Variants in BAG6 observed in about 807,000 individuals in gnomAD.
The protein encoded by BAG6 is BAG cochaperone 6, also known as large proline-rich protein BAG6.
A neutral mutation model predicts 121.0 loss-of-function variants in BAG6; 22 were observed. The observed-to-expected ratio is 0.18, with a 90% confidence interval of 0.13 to 0.26. The LOEUF is 0.26. BAG6 is among the 10% of genes least tolerant of loss of function. The pLI, the probability that BAG6 is intolerant of heterozygous loss-of-function variation, is 1.00. For synonymous variants in BAG6, 583 were observed against 584.6 expected, an observed-to-expected ratio of 1.00 and a Z score of 0.04; for missense variants, 1,233 against 1,537.7, an observed-to-expected ratio of 0.80 and a Z score of 3.31.
rs760258126 is a variant in BAG6 at position 31,640,271 on chromosome 6, G to T, written c.3174C>A (p.Ser1058Arg). ...WVPIIQQDIQSQRKVKPQPPL... is the reference protein window; with the variant it reads ...WVPIIQQDIQRQRKVKPQPPL... Reference sequence around the variant, plus strand: ...GGGGCTGCGGTTTCACCTTCCGCTGGCTCTGAATGTCCTGCTGGATAATAG... The same window carrying T: ...GGGGCTGCGGTTTCACCTTCCGCTGTCTCTGAATGTCCTGCTGGATAATAG... Residue 1058 changes from serine to arginine, a missense_variant, in exon 24 of 26, where the codon AGC (serine) becomes AGA (arginine). By Grantham distance (110) the Ser-to-Arg change is moderately radical. This residue lies in a region of BAG6 where 288 missense variants were observed against 483.1 expected (regional missense o/e 0.60). Transcript: ENST00000676615. The surrounding 1 kb of genome is among the most constrained non-coding windows in gnomAD (Gnocchi z 4.2). 12 of 1,614,098 alleles carry T rather than the reference G, an allele frequency of 7.4e-6. No individual in the cohort carries two copies. The South Asian group carries it at 8.8e-5, about 12-fold the overall frequency.
In BAG6 at chr6:31,641,302, G is replaced by C. The variant is rs546902137; in HGVS notation, c.2662+18C>G. 6.2e-7 allele frequency: 1 copy of C among 1,613,656 alleles called. No homozygotes were observed. Among genetic ancestry groups the C allele is most frequent in the Admixed American group, 1.7e-5 (1 of 59,998 alleles). ...CATGCAACAGGCCCCACTTGCCCCC[G>C]CCTGGCCAGCCCCTGACCTGTGCAA... On this transcript the variant is annotated intron_variant, in intron 19 of 25. Coordinates refer to ENST00000676615, the MANE Select transcript of BAG6 (RefSeq NM_001387994.1). The surrounding 1 kb of genome is among the most constrained non-coding windows in gnomAD (Gnocchi z 5.7).
At chr6:31,649,691 C>T in intron 2 of BAG6, 64 bp from the exon 3 acceptor site, 1 of 1,465,158 alleles carries the variant, frequency 6.8e-7, no homozygotes, top group Non-Finnish European at 9.5e-7. Context: ...CAAAGACAGA[C>T]AACCGAGTTG....
Position 31,647,686 on chromosome 6 carries a change from T to G in BAG6, c.693A>C (p.Glu231Asp), listed in dbSNP as rs1196914439. ...GGGCTGGGGCACGCTCCTCCACTTC[T>G]TCTGCCTCCATGGGCTCCCGGGGAG... is the stretch of plus-strand genomic sequence containing the variant. The part of the protein sequence containing the change: ...EAPPREPMEA[E>D]EVEERAPAQN... Residue 231 changes from glutamate (E) to aspartate (D), a missense_variant, in exon 7 of 26, where the codon GAA becomes GAC. Glu to Asp is a conservative substitution (Grantham distance 45). Around this residue, in one of 7 missense-constraint regions of BAG6, gnomAD observed 777 missense variants for 861.4 expected, o/e 0.90. Coordinates refer to ENST00000676615, the MANE Select transcript of BAG6 (RefSeq NM_001387994.1). The G allele has an allele frequency of 6.2e-7, 1 of 1,604,642 alleles. No homozygotes were observed. Among genetic ancestry groups the G allele is most frequent in the Admixed American group, 1.7e-5 (1 of 58,072 alleles).
In BAG6 at chr6:31,640,967, C is replaced by T. The variant is rs1006620864; in HGVS notation, c.2788-29G>A. The T allele has an allele frequency of 6.2e-7, 1 of 1,607,320 alleles. No homozygotes were observed. The highest frequency in any genetic ancestry group is 8.5e-7 in the Non-Finnish European group (1 of 1,176,300). On this transcript the variant is annotated intron_variant, in intron 20 of 25. Transcript: ENST00000676615. The surrounding 1 kb of genome is among the most constrained non-coding windows in gnomAD (Gnocchi z 4.2). ...AGGGACAGAAAGCAGATTTAGAACA[C>T]AAAACCCTCAACCACCTTTAGAAAT...
rs1425781192 is a variant in BAG6, at chr6:31,639,227, C to A, written c.3394-1G>T. 6.2e-7 allele frequency: 1 copy of A among 1,612,572 alleles called. No individual in the cohort carries two copies. The highest frequency in any genetic ancestry group is 1.7e-5 in the Admixed American group (1 of 59,816). ...GTCGTTTTTGTATATCAGACCGGAG[C>A]TAAAGAGAAAAAGTAAGCAGGTTGG... On this transcript the variant is annotated splice_acceptor_variant, in intron 25 of 25. Coordinates refer to ENST00000676615, the MANE Select transcript of BAG6 (RefSeq NM_001387994.1). LOFTEE classifies it high-confidence loss of function.
intron 2 of BAG6, among the ~76,000 whole-genome samples, chr6:31,650,359 GAAGAT>G (rs1169072740): frequency 1.8e-4 from 27 of 151,902 alleles, no homozygotes; most frequent in South Asian, 6.2e-4. Context: ...GAAAGACTAA[GAAGAT>G]AAGAAAGCAA....
In BAG6 at chr6:31,644,792, A is replaced by G. The variant is rs1455853100; in HGVS notation, c.1369+154T>C. On this transcript the variant is annotated intron_variant, in intron 10 of 25. Transcript: ENST00000676615. This position sits in a 1 kb window ranked among gnomAD's most constrained non-coding sequence, Gnocchi z 4.9. ...CCTCCAAAGACAAACCAACCCCCAC[A>G]CCCCCCACATCTGTCTACTTAAGCT... Among the ~76,000 whole-genome samples the G allele has an allele frequency of 2.0e-5, 3 of 149,956 alleles. No individual in the cohort carries two copies. The highest frequency in any genetic ancestry group is 4.4e-5 in the Non-Finnish European group (3 of 67,538).
chr6:31,650,684 A>G (rs1042862705), intron 2 of BAG6, among the ~76,000 whole-genome samples: 16 of 151,782 alleles, frequency 1.1e-4, no homozygotes, highest in African/African-American at 3.9e-4. Context: ...AAAAAAAAGC[A>G]AAAAGAGAAA....
rs184511559 is a variant in BAG6 at position 31,641,050 on chromosome 6, A to G, written c.2787+54T>C. The G allele has an allele frequency of 7.6e-3, 12,140 of 1,605,306 alleles. 554 individuals are homozygous for G. The South Asian group carries it at 0.092, about 12-fold the overall frequency. ...GAAAAGAAAAATGAAAACTGCAGAG[A>G]ATGGAAACCTCAGGAAACAAAAGGC... On this transcript the variant is annotated intron_variant, in intron 20 of 25. Transcript: ENST00000676615. This position sits in a 1 kb window ranked among gnomAD's most constrained non-coding sequence, Gnocchi z 5.7.
chr6:31,642,480 G>A (rs886798898), intron 15 of BAG6, 77 bp from the exon 16 acceptor site: 4 of 716,818 alleles, frequency 5.6e-6, no homozygotes, highest in African/African-American at 5.3e-5. Context: ...GGCATCAAGA[G>A]GGCACAAACC....
chr6:31,649,174 C>G (rs756229631), intron 4 of BAG6, 25 bp downstream of exon 4: 1 of 1,611,820 alleles, frequency 6.2e-7, no homozygotes, highest in Non-Finnish European at 8.5e-7. Context: ...CCACAAAAGC[C>G]CTCCCCTGTG....
chr6:31,644,846 C>T lies in BAG6; in HGVS notation c.1369+100G>A, dbSNP rs1787254235. On this transcript the variant is annotated intron_variant, in intron 10 of 25. Coordinates refer to ENST00000676615, the MANE Select transcript of BAG6 (RefSeq NM_001387994.1). The surrounding 1 kb of genome is among the most constrained non-coding windows in gnomAD (Gnocchi z 4.9). ...GCTCTGGTCCCCAGGCTACCACCAC[C>T]AGCATGTGCCTCTCCCTTCCCCACC... 6.6e-7 allele frequency: 1 copy of T among 1,510,362 alleles called. No individual in the cohort carries two copies. The highest frequency in any genetic ancestry group is 8.9e-7 in the Non-Finnish European group (1 of 1,124,224). The allele number at this position is 1,510,362 out of a possible 1,614,324, so 93.6% of individuals were successfully genotyped here. A position where few individuals can be genotyped will look rare whatever the true frequency, so the allele number is the denominator to read the frequency against.
In BAG6 at chr6:31,649,277, AG is replaced by A; in HGVS notation, c.344del (p.Pro115LeufsTer53). ...ASATHGGGSP[P>X]GTRGPGASVH... ...CAGAGGCCCCAGGCCCCCGAGTACC[AG>A]GGGGGGATCCCCCACCATGAGTGGC... On this transcript the variant is annotated frameshift_variant, in exon 4 of 26. Coordinates refer to ENST00000676615, the MANE Select transcript of BAG6 (RefSeq NM_001387994.1). LOFTEE classifies it high-confidence loss of function. 1 of 1,613,026 alleles carries A rather than the reference AG, an allele frequency of 6.2e-7. No individual in the cohort carries two copies. Among genetic ancestry groups the A allele is most frequent in the Non-Finnish European group, 8.5e-7 (1 of 1,179,968 alleles).
In BAG6 at chr6:31,643,071, C is replaced by A; in HGVS notation, c.1801G>T (p.Ala601Ser). 6.3e-7 allele frequency: 1 copy of A among 1,589,438 alleles called. No homozygotes were observed. ...GMAPPPAPAT[A>S]SASAGTTNTA... is the part of the protein sequence containing the mutation. Reference sequence around the variant, plus strand: ...TTGGTGGTGCCAGCACTGGCAGAAGCAGTGGCAGGGGCTGGCGGTGGAGCC... The same window carrying A: ...TTGGTGGTGCCAGCACTGGCAGAAGAAGTGGCAGGGGCTGGCGGTGGAGCC... Residue 601 changes from alanine to serine, a missense_variant, in exon 15 of 26, where the codon GCT (alanine) becomes TCT (serine). By Grantham distance (99) the Ala-to-Ser change is moderately conservative. This residue lies in a region of BAG6 where 777 missense variants were observed against 861.4 expected (regional missense o/e 0.90). Coordinates refer to ENST00000676615, the MANE Select transcript of BAG6 (RefSeq NM_001387994.1).
intron 2 of BAG6, among the ~76,000 whole-genome samples, chr6:31,650,833 G>C (rs917797413): frequency 3.3e-5 from 5 of 152,090 alleles, no homozygotes; most frequent in African/African-American, 1.2e-4. Flanking sequence ...CATGCAATTT[G>C]TCTCCAAGTA....
rs992626269 is a variant in BAG6 at position 31,646,995 on chromosome 6, G to A, written c.789-472C>T. 5.3e-5 allele frequency among the ~76,000 whole-genome samples: 8 copies of A among 151,968 alleles called. No individual in the cohort carries two copies. The South Asian group carries it at 1.2e-3, about 24-fold the overall frequency. ...TCATCATGTTAGCCAGGATAGTCTC[G>A]ATCTCTTGACCTCATGATCCACCCG... is the stretch of plus-strand genomic sequence containing the variant. On this transcript the variant is annotated intron_variant, in intron 7 of 25. Transcript: ENST00000676615.
At chr6:31,643,234 G>C (rs2150764407) in intron 14 of BAG6, 119 bp from the exon 15 acceptor site, 9 of 961,310 alleles carry the variant, frequency 9.4e-6, no homozygotes, top group Non-Finnish European at 1.4e-5. Context: ...AGGCCACATA[G>C]CAAGACCCCA....
chr6:31,645,533 G>T lies in BAG6; in HGVS notation c.990C>A (p.Thr330=). 6.2e-7 allele frequency: 1 copy of T among 1,613,144 alleles called. No individual in the cohort carries two copies. The highest frequency in any genetic ancestry group is 8.5e-7 in the Non-Finnish European group (1 of 1,180,046). Residue 330 remains threonine (T), a synonymous_variant, in exon 9 of 26, where the codon ACC becomes ACA. Coordinates refer to ENST00000676615, the MANE Select transcript of BAG6 (RefSeq NM_001387994.1). ...VGESLRLLGN[T]FVALSDLRCN... is the part of the protein sequence containing the mutation. ...AGCGCAGGTCAGACAGTGCAACAAA[G>T]GTGTTGCCCAGCAGTCGCAGGCTCT...
rs1390392265 is a variant in BAG6, at chr6:31,651,646, G to A, written c.108+10C>T. 3 of 1,610,510 alleles carry A rather than the reference G, an allele frequency of 1.9e-6. No homozygotes were observed. The highest frequency in any genetic ancestry group is 2.7e-5 in the African/African-American group (2 of 74,884). ...TAAAGGTGTCTTCCAGAACTAGTGA[G>A]GTGTCTCACCTGGGCCCCCACAATA... On this transcript the variant is annotated intron_variant, in intron 2 of 25. Transcript: ENST00000676615.
Sources: allele counts gnomAD v4.1 joint callset (sites outside exome capture counted in the v4.1 genomes callset), GRCh38; gene constraint gnomAD v4.1.1; regional missense constraint gnomAD v4.1.1; non-coding constraint Gnocchi (gnomAD v3.1); transcripts MANE v1.5; gene names NCBI Gene and HGNC (gene_info 2026-07-23, HGNC 2026-07-21).